OR2J3: variants seen among roughly 807,000 people sequenced by gnomAD.
OR2J3 encodes the protein olfactory receptor 2J3.
OR2J3 carries 13 observed loss-of-function variants against 18.5 expected under a neutral mutation model. The observed-to-expected ratio is 0.70, with a 90% CI of 0.46 to 1.12. The LOEUF (loss-of-function observed/expected upper bound fraction) is 1.12. Ranked by LOEUF, OR2J3 falls within the 50% of genes most tolerant of loss-of-function variation. The pLI, the probability that OR2J3 is intolerant of heterozygous loss-of-function variation, is 0.00. For synonymous variants in OR2J3, 142 were observed against 140.6 expected (o/e 1.01, Z -0.07); for missense variants, 321 against 371.6 (o/e 0.86, Z 1.12).
At position 29,113,946 on chromosome 6, in the gene OR2J3, G is replaced by A. The variant is rs548453940; in HGVS notation, c.*1120G>A. The A allele has an allele frequency of 6.6e-6, 1 of 152,228 alleles. No individual in the cohort carries two copies. Among genetic ancestry groups the A allele is most frequent in the South Asian group, 2.1e-4 (1 of 4,826 alleles). The allele number at this position is 152,228 out of a possible 1,614,324, so 9.4% of individuals were successfully genotyped here. On this transcript the variant is annotated 3_prime_UTR_variant, in exon 4 of 4. Transcript: ENST00000641151. ...CATAGTCAAATGAAGCGGAAAAATG[G>A]CTAAAGGAGAATTCAGTATAAAGTA... is the stretch of plus-strand genomic sequence containing the variant.
At position 29,112,335 on chromosome 6, in the gene OR2J3, G is replaced by A. The variant is rs569463492; in HGVS notation, c.445G>A (p.Val149Met). The change falls in exon 4 of 4, where the codon GTG becomes ATG. Residue 149 changes from valine to methionine, a missense_variant. Transcript: ENST00000641151. ...MHPRFCHLLA[V>M]ASWVSGFTNS... ...CCCTCGTTTCTGCCACCTGCTGGCT[G>A]TGGCTTCTTGGGTAAGTGGTTTTAC... 13 of 1,614,122 alleles carry A rather than the reference G, an allele frequency of 8.1e-6. No homozygotes were observed. The Admixed American group carries it at 2.2e-4, about 27-fold the overall frequency.
chr6:29,114,444 C>CAA lies in OR2J3; in HGVS notation c.*1618_*1619insAA, dbSNP rs1383123864. On this transcript the variant is annotated 3_prime_UTR_variant, in exon 4 of 4. Coordinates refer to ENST00000641151, the MANE Select transcript of OR2J3 (RefSeq NM_001005216.4). ...CCTGGTTTCTCACCTACTCAAATAT[C>CAA]CCCCCCCTCCCCATCTTTATTAAGG... 2.0e-5 allele frequency: 1 copy of CAA among 50,480 alleles called. No individual in the cohort carries two copies. The highest frequency in any genetic ancestry group is 3.5e-4 in the East Asian group (1 of 2,882). The allele number at this position is 50,480 out of a possible 1,614,324, so 3.1% of individuals were successfully genotyped here.
At chr6:29,110,573 G>A (rs1375496913) in intron 3 of OR2J3, among the ~76,000 whole-genome samples, 1 of 152,002 alleles carries the variant, frequency 6.6e-6, no homozygotes, top group African/African-American at 2.4e-5. Flanking sequence ...TCCTTAGCTA[G>A]GTTAGGAATT....
In OR2J3 at chr6:29,113,495, A is replaced by G. The variant is rs1762229213; in HGVS notation, c.*669A>G. 3.3e-5 allele frequency: 5 copies of G among 152,258 alleles called. No individual in the cohort carries two copies. The allele number at this position is 152,258 out of a possible 1,614,324, so 9.4% of individuals were successfully genotyped here. On this transcript the variant is annotated 3_prime_UTR_variant, in exon 4 of 4. Coordinates refer to ENST00000641151, the MANE Select transcript of OR2J3 (RefSeq NM_001005216.4). Reference sequence around the variant, plus strand: ...AGGCAGTGAGAAATATATAGGAAGTAAAAGGAGCTGGTAAAGCTGAGCTAT... The same window carrying G: ...AGGCAGTGAGAAATATATAGGAAGTGAAAGGAGCTGGTAAAGCTGAGCTAT...
rs1308459445 is a variant in OR2J3 at position 29,112,693 on chromosome 6, G to A, written c.803G>A (p.Gly268Glu). Reference protein sequence around the residue: ...AMCMYLQPPSGNSQDQGKFIA... With the variant: ...AMCMYLQPPSENSQDQGKFIA... ...TGCATGTATCTCCAGCCACCATCAG[G>A]AAATTCTCAAGATCAAGGCAAGTTC... The change falls in exon 4 of 4, where the codon GGA becomes GAA. Residue 268 changes from glycine (G) to glutamate (E), a missense_variant. Coordinates refer to ENST00000641151, the MANE Select transcript of OR2J3 (RefSeq NM_001005216.4). 1.1e-5 allele frequency: 18 copies of A among 1,613,934 alleles called. No homozygotes were observed. Among genetic ancestry groups the A allele is most frequent in the Non-Finnish European group, 1.4e-5 (17 of 1,180,002 alleles).
chr6:29,112,460 A>T lies in OR2J3; in HGVS notation c.570A>T (p.Leu190Phe). The change falls in exon 4 of 4, where the codon TTA becomes TTT. Residue 190 changes from leucine (L) to phenylalanine (F), a missense_variant. Transcript: ENST00000641151. ...GTGAAGTTCCAGCACTTCTGCGATTATCGTGTGTTGATACCCATGTCAATG... is the reference window on the plus strand; with the variant it reads ...GTGAAGTTCCAGCACTTCTGCGATTTTCGTGTGTTGATACCCATGTCAATG... ...FFCEVPALLR[L>F]SCVDTHVNEL... The T allele has an allele frequency of 6.2e-7, 1 of 1,614,006 alleles. No homozygotes were observed. Among genetic ancestry groups the T allele is most frequent in the Non-Finnish European group, 8.5e-7 (1 of 1,179,988 alleles).
Position 29,112,994 on chromosome 6 carries a change from A to T in OR2J3, c.*168A>T. 1.4e-6 allele frequency: 1 copy of T among 738,066 alleles called. No individual in the cohort carries two copies. Among genetic ancestry groups the T allele is most frequent in the Non-Finnish European group, 2.1e-6 (1 of 466,234 alleles). The allele number at this position is 738,066 out of a possible 1,614,324, so 45.7% of individuals were successfully genotyped here. A position where few individuals can be genotyped will look rare whatever the true frequency, so the allele number is the denominator to read the frequency against. On this transcript the variant is annotated 3_prime_UTR_variant, in exon 4 of 4. Coordinates refer to ENST00000641151, the MANE Select transcript of OR2J3 (RefSeq NM_001005216.4). ...CTGGTAACAGGTAGGAATAAAACAC[A>T]GTCAGCCTAAATACCATTCACTTGT...
Position 29,112,555 on chromosome 6 carries a change from G to A in OR2J3, c.665G>A (p.Gly222Asp). 4 of 1,613,934 alleles carry A rather than the reference G, an allele frequency of 2.5e-6. No individual in the cohort carries two copies. The highest frequency in any genetic ancestry group is 3.4e-6 in the Non-Finnish European group (4 of 1,179,952). Reference protein sequence around the residue: ...IPLILILTSYGAIVRAILRMQ... With the variant: ...IPLILILTSYDAIVRAILRMQ... ...CTCATCCTCATTCTCACTTCTTATG[G>A]TGCCATCGTCCGAGCTATACTGAGG... Residue 222 changes from glycine to aspartate, a missense_variant, in exon 4 of 4, where the codon GGT becomes GAT. Physicochemically the swap from Gly to Asp is moderately conservative, Grantham distance 94 (BLOSUM62 -1). Coordinates refer to ENST00000641151, the MANE Select transcript of OR2J3 (RefSeq NM_001005216.4).
At chr6:29,110,488 T>C (rs1053818726) in intron 3 of OR2J3, among the ~76,000 whole-genome samples, 3 of 152,142 alleles carry the variant, frequency 2.0e-5, no homozygotes, top group Non-Finnish European at 4.4e-5. Context: ...GAAAATAACC[T>C]GAAAATGCTG....
Position 29,108,093 on chromosome 6 carries a change from C to T in OR2J3, c.-383C>T, listed in dbSNP as rs1423396130. 1 of 152,160 alleles carries T rather than the reference C, an allele frequency of 6.6e-6. No individual in the cohort carries two copies. The highest frequency in any genetic ancestry group is 2.4e-5 in the African/African-American group (1 of 41,442). 9.4% of individuals were successfully genotyped at this position (152,160 alleles called of 1,614,324 possible). ...TCTGTAGCAATGATAGTCATAGCTA[C>T]ATTCAGACTGTTTTCCTAATTGATG... is the stretch of plus-strand genomic sequence containing the variant. On this transcript the variant is annotated 5_prime_UTR_variant, in exon 1 of 4. Coordinates refer to ENST00000641151, the MANE Select transcript of OR2J3 (RefSeq NM_001005216.4).
At chr6:29,111,474 A>C (rs1241048377) in intron 3 of OR2J3, 1 of 165,498 alleles carries the variant, frequency 6.0e-6, no homozygotes, top group African/African-American at 2.4e-5. Flanking sequence ...TACAAACTTT[A>C]CTGTTTTTCA....
At chr6:29,111,756 T>G in intron 3 of OR2J3, 125 bp from the exon 4 acceptor site, 1 of 788,328 alleles carries the variant, frequency 1.3e-6, no homozygotes, top group Non-Finnish European at 2.0e-6. Flanking sequence ...AATGGTTAAA[T>G]TGTCCTACAA....
At chr6:29,109,948 T>C (rs866689587) in intron 3 of OR2J3, among the ~76,000 whole-genome samples, 2 of 152,186 alleles carry the variant, frequency 1.3e-5, no homozygotes, top group Non-Finnish European at 2.9e-5. Context: ...TAAATTATTG[T>C]CCTGGAGAAA....
Position 29,112,923 on chromosome 6 carries a change from C to T in OR2J3, c.*97C>T, listed in dbSNP as rs771374423. 8.7e-5 allele frequency: 122 copies of T among 1,395,558 alleles called. No individual in the cohort carries two copies. The highest frequency in any genetic ancestry group is 1.1e-4 in the Non-Finnish European group (117 of 1,052,686). 86.4% of individuals were successfully genotyped at this position (1,395,558 alleles called of 1,614,324 possible). ...TCAACCATTCTTTTATTCACTCACTCTGTTAGCACTTGCTGAGCATGTACT... is the reference window on the plus strand; with the variant it reads ...TCAACCATTCTTTTATTCACTCACTTTGTTAGCACTTGCTGAGCATGTACT... On this transcript the variant is annotated 3_prime_UTR_variant, in exon 4 of 4. Coordinates refer to ENST00000641151, the MANE Select transcript of OR2J3 (RefSeq NM_001005216.4).
chr6:29,112,322 C>T lies in OR2J3; in HGVS notation c.432C>T (p.Cys144=). 2.8e-5 allele frequency: 45 copies of T among 1,614,154 alleles called. No homozygotes were observed. Among genetic ancestry groups the T allele is most frequent in the Non-Finnish European group, 3.7e-5 (44 of 1,180,042 alleles). The change falls in exon 4 of 4, where the codon TGC becomes TGT. Residue 144 remains cysteine (C), a synonymous_variant. Coordinates refer to ENST00000641151, the MANE Select transcript of OR2J3 (RefSeq NM_001005216.4). ...HYTVLMHPRF[C]HLLAVASWVS... ...CTGTCCTCATGCACCCTCGTTTCTG[C>T]CACCTGCTGGCTGTGGCTTCTTGGG...
rs894065991 is a variant in OR2J3, at chr6:29,113,890, C to T, written c.*1064C>T. The T allele has an allele frequency of 1.3e-5, 2 of 151,840 alleles. No homozygotes were observed. Among genetic ancestry groups the T allele is most frequent in the Admixed American group, 6.6e-5 (1 of 15,194 alleles). 9.4% of individuals were successfully genotyped at this position (151,840 alleles called of 1,614,324 possible). ...CAACCATCTTCGTTTGAAATAATTGCGCTATACCTAGAGCAATTTAAACTG... is the reference window on the plus strand; with the variant it reads ...CAACCATCTTCGTTTGAAATAATTGTGCTATACCTAGAGCAATTTAAACTG... On this transcript the variant is annotated 3_prime_UTR_variant, in exon 4 of 4. Coordinates refer to ENST00000641151, the MANE Select transcript of OR2J3 (RefSeq NM_001005216.4).
At chr6:29,109,058 G>A (rs75320886) in intron 3 of OR2J3, among the ~76,000 whole-genome samples, 183 bp downstream of exon 3, 2,734 of 152,126 alleles carry the variant, frequency 0.018, 39 homozygotes, top group South Asian at 0.046. Context: ...CATGAGAGAA[G>A]GTAACTATAA....
chr6:29,111,584 C>A, intron 3 of OR2J3: 2 of 289,982 alleles, frequency 6.9e-6, no homozygotes, highest in Non-Finnish European at 1.3e-5. Flanking sequence ...CTAGTTTTTG[C>A]AATCATTTAT....
chr6:29,113,030 G>T lies in OR2J3; in HGVS notation c.*204G>T. On this transcript the variant is annotated 3_prime_UTR_variant, in exon 4 of 4. Coordinates refer to ENST00000641151, the MANE Select transcript of OR2J3 (RefSeq NM_001005216.4). ...ATACCATTCACTTGTGGAGAAAACA[G>T]CTATGTAAAATCAAGATAAAACATC... 1.7e-6 allele frequency: 1 copy of T among 579,430 alleles called. No homozygotes were observed. The highest frequency in any genetic ancestry group is 2.9e-6 in the Non-Finnish European group (1 of 339,032). The allele number at this position is 579,430 out of a possible 1,614,324, so 35.9% of individuals were successfully genotyped here.
Sources: gnomAD v4.1 joint callset for allele counts (sites outside exome capture counted in the v4.1 genomes callset) on GRCh38, gnomAD v4.1.1 for gene constraint, MANE v1.5 for transcripts, NCBI Gene and HGNC (gene_info 2026-07-23, HGNC 2026-07-21) for gene names.